Variants in CCR3 observed in about 807,000 individuals in gnomAD.
CCR3 encodes C-C chemokine receptor type 3.
For synonymous variants in CCR3, 203 were observed against 179.2 expected, an observed-to-expected ratio of 1.13 and a Z score of -1.06; for missense variants, 419 against 437.5, an observed-to-expected ratio of 0.96 and a Z score of 0.38.
rs111826278 is a variant in CCR3 at position 46,266,204 on chromosome 3, C to T, written c.1046C>T (p.Pro349Leu). ...TCTGTCTCTCCATCCACAGCAGAGC[C>T]GGAACTCTCTATTGTGTTTTAGGTC... ...TSSVSPSTAE[P>L]ELSIVF Residue 349 changes from proline to leucine, a missense_variant, in exon 2 of 2, where the codon CCG becomes CTG. Physicochemically the swap from Pro to Leu is moderately conservative, Grantham distance 98. Transcript: ENST00000395940. 6.6e-4 allele frequency: 1,068 copies of T among 1,611,786 alleles called. No individual in the cohort carries two copies. The highest frequency in any genetic ancestry group is 1.9e-3 in the African/African-American group (141 of 74,978).
chr3:46,257,427 C>CT (rs34426861), intron 1 of CCR3, among the ~76,000 whole-genome samples: 18,404 of 103,894 alleles, frequency 0.18, 2,073 homozygotes, highest in East Asian at 0.29. Context: ...TTGTCCCAGG[C>CT]TTTTTTTTTT....
At chr3:46,235,773 G>A (rs549369560) in intron 2 of CCR3, among the ~76,000 whole-genome samples, 1 of 152,330 alleles carries the variant, frequency 6.6e-6, no homozygotes, top group East Asian at 1.9e-4. Flanking sequence ...GGCCATAAAA[G>A]AGCAGGACTT....
chr3:46,259,848 A>G (rs905327409), intron 1 of CCR3, among the ~76,000 whole-genome samples: 4 of 152,240 alleles, frequency 2.6e-5, no homozygotes, highest in South Asian at 2.1e-4. Flanking sequence ...AGCCAAAGTG[A>G]CAAGTAAAAG....
chr3:46,259,720 T>TA (rs930242888), intron 1 of CCR3, among the ~76,000 whole-genome samples: 14 of 152,052 alleles, frequency 9.2e-5, no homozygotes, highest in Non-Finnish European at 1.3e-4. Context: ...TAGCTTAAGG[T>TA]AAAAAAAGAC....
Position 46,246,684 on chromosome 3 carries a change from A to G in CCR3, c.-12+4146A>G, listed in dbSNP as rs1700197423. 2.6e-5 allele frequency among the ~76,000 whole-genome samples: 4 copies of G among 152,150 alleles called. No homozygotes were observed. In the South Asian group the frequency reaches 6.2e-4, roughly 24 times the overall value. ...CCATCTGGGCGTATATGTGCAAGTC[A>G]CAGGGGATGGGATAGCTTGGCTTGG... On this transcript the variant is annotated intron_variant, in intron 1 of 1. Coordinates refer to ENST00000395940, the MANE Select transcript of CCR3 (RefSeq NM_178329.3).
Position 46,225,244 on chromosome 3 carries a change from A to G in CCR3, c.-68+14337A>G, listed in dbSNP as rs142634496. 3.3e-5 allele frequency among the ~76,000 whole-genome samples: 5 copies of G among 152,344 alleles called. No individual in the cohort carries two copies. The East Asian group carries it at 9.6e-4, about 29-fold the overall frequency. ...ACTGACTGGGAAGAAGTGCTAGGGA[A>G]CATTCTGGGGTTCTAGTAATGTCTT... On this transcript the variant is annotated intron_variant, in intron 2 of 3. Transcript: ENST00000357422.
intron 1 of CCR3, chr3:46,263,413 CT>C (rs908190723): frequency 1.9e-5 from 3 of 155,478 alleles, no homozygotes; most frequent in Non-Finnish European, 4.4e-5. Flanking sequence ...TTGGATTATG[CT>C]ATTATGAATA....
intron 1 of CCR3, among the ~76,000 whole-genome samples, chr3:46,243,284 C>A (rs776855346): frequency 6.6e-6 from 1 of 151,902 alleles, no homozygotes; most frequent in Non-Finnish European, 1.5e-5. Flanking sequence ...GTTTTTGCAA[C>A]TTTGTGGAGC....
At chr3:46,262,699 G>A (rs932251183) in intron 1 of CCR3, among the ~76,000 whole-genome samples, 4 of 152,072 alleles carry the variant, frequency 2.6e-5, no homozygotes, top group African/African-American at 9.7e-5. Flanking sequence ...CTGTCGCCCA[G>A]GCTGGAGTGC....
intron 1 of CCR3, among the ~76,000 whole-genome samples, chr3:46,256,873 C>A (rs950138445): frequency 2.0e-5 from 3 of 151,960 alleles, no homozygotes; most frequent in Non-Finnish European, 4.4e-5. Flanking sequence ...GCCAAGACCT[C>A]GAGAAATTGT....
chr3:46,234,147 AT>A (rs1040565008), intron 2 of CCR3, among the ~76,000 whole-genome samples: 37 of 152,206 alleles, frequency 2.4e-4, no homozygotes, highest in Middle Eastern at 6.8e-3. Flanking sequence ...TTTGAAAAGT[AT>A]TTTTTTTCTA....
chr3:46,251,229 G>A (rs1225752630), intron 1 of CCR3, among the ~76,000 whole-genome samples: 5 of 152,242 alleles, frequency 3.3e-5, no homozygotes, highest in African/African-American at 4.8e-5. Context: ...TAATCAGAGA[G>A]GCGTCCCTGC....
At chr3:46,220,329 C>A (rs554411829) in intron 2 of CCR3, among the ~76,000 whole-genome samples, 1 of 151,964 alleles carries the variant, frequency 6.6e-6, no homozygotes, top group Non-Finnish European at 1.5e-5. Flanking sequence ...ATTAAAAAAT[C>A]AAAAAATAAT....
chr3:46,264,365 A>G, intron 1 of CCR3: 1 of 1,400,812 alleles, frequency 7.1e-7, no homozygotes. Flanking sequence ...TGTAACAGAC[A>G]AAATGTGTAT....
chr3:46,258,347 C>A (rs1450211005), intron 1 of CCR3, among the ~76,000 whole-genome samples: 1 of 152,176 alleles, frequency 6.6e-6, no homozygotes, highest in Non-Finnish European at 1.5e-5. Flanking sequence ...GTGTGTACAA[C>A]CAGAAATGCA....
intron 1 of CCR3, among the ~76,000 whole-genome samples, chr3:46,262,055 C>T (rs1424153726): frequency 1.3e-5 from 2 of 152,232 alleles, no homozygotes; most frequent in Non-Finnish European, 2.9e-5. Context: ...ACCCCCTTCC[C>T]ACTCTGCCCC....
intron 2 of CCR3, among the ~76,000 whole-genome samples, chr3:46,221,252 T>C (rs1266076723): frequency 1.3e-5 from 2 of 152,204 alleles, no homozygotes; most frequent in East Asian, 3.8e-4. Flanking sequence ...CAGCACACCA[T>C]TGCAGAGTAC....
At chr3:46,234,643 C>T (rs1313101069) in intron 2 of CCR3, among the ~76,000 whole-genome samples, 1 of 152,178 alleles carries the variant, frequency 6.6e-6, no homozygotes, top group Non-Finnish European at 1.5e-5. Flanking sequence ...CCTGATTTCC[C>T]TTGTTTTTAT....
In CCR3 at chr3:46,266,044, ATGAACCCGGTGATCTACGCCTT is replaced by A. The variant is rs937656964; in HGVS notation, c.889_910del (p.Asn297LeufsTer90). On this transcript the variant is annotated frameshift_variant, in exon 2 of 2. Transcript: ENST00000395940. LOFTEE classifies it low-confidence loss of function (END_TRUNC). ...GGTGATCGCCTACTCCCACTGCTGCATGAACCCGGTGATCTACGCCTTTGTTGGAGAGAGGTTCCGGAAGTAC... is the reference window on the plus strand; with the variant it reads ...GGTGATCGCCTACTCCCACTGCTGCATGTTGGAGAGAGGTTCCGGAAGTAC... 6 of 1,613,974 alleles carry A rather than the reference ATGAACCCGGTGATCTACGCCTT, an allele frequency of 3.7e-6. No individual in the cohort carries two copies. In the African/African-American group the frequency reaches 6.7e-5, roughly 18 times the overall value.
Sources: gnomAD v4.1 joint callset for allele counts (sites outside exome capture counted in the v4.1 genomes callset) on GRCh38, gnomAD v4.1.1 for gene constraint, MANE v1.5 for transcripts, NCBI Gene and HGNC (gene_info 2026-07-23, HGNC 2026-07-21) for gene names.